Variants in SFT2D2 observed in about 807,000 individuals in gnomAD.
SFT2D2 encodes vesicle transport protein SFT2B.
Under a neutral mutation model 27.4 loss-of-function variants are expected in SFT2D2, and 21 were observed. That is an observed-to-expected ratio of 0.77 (90% CI 0.54 to 1.10). SFT2D2 has a LOEUF of 1.10. SFT2D2 is among the 50% of genes least tolerant of loss of function. SFT2D2 has a pLI of 0.00. For synonymous variants in SFT2D2, 72 were observed against 71.7 expected, an observed-to-expected ratio of 1.00 and a Z score of -0.02; for missense variants, 187 against 194.2, an observed-to-expected ratio of 0.96 and a Z score of 0.22.
Position 168,243,129 on chromosome 1 carries a change from T to C in SFT2D2, c.*589T>C, listed in dbSNP as rs1647695339. The C allele has an allele frequency of 6.5e-6, 1 of 153,542 alleles. No homozygotes were observed. Among genetic ancestry groups the C allele is most frequent in the South Asian group, 2.0e-4 (1 of 4,918 alleles). 9.5% of individuals were successfully genotyped at this position (153,542 alleles called of 1,614,324 possible). ...TTTCTGAATTTGAATCTAAGCATTC[T>C]TGGTGTTCTGATTCTGCGCCTGACT... On this transcript the variant is annotated 3_prime_UTR_variant, in exon 8 of 8. Coordinates refer to ENST00000271375, the MANE Select transcript of SFT2D2 (RefSeq NM_199344.3).
At chr1:168,230,590 C>T (rs751053863) in intron 1 of SFT2D2, among the ~76,000 whole-genome samples, 6 of 152,196 alleles carry the variant, frequency 3.9e-5, no homozygotes, top group Admixed American at 2.0e-4. Context: ...TCTCCTGCCT[C>T]AGCCTTCCAA....
At chr1:168,237,289 T>A (rs1262796877) in intron 6 of SFT2D2, among the ~76,000 whole-genome samples, 4 of 152,226 alleles carry the variant, frequency 2.6e-5, no homozygotes, top group Admixed American at 2.0e-4. Flanking sequence ...GTCTGTGGGC[T>A]GTAGGATCAG....
intron 7 of SFT2D2, among the ~76,000 whole-genome samples, chr1:168,239,457 GTTT>G (rs34187475): frequency 1.7e-4 from 22 of 129,492 alleles, no homozygotes; most frequent in South Asian, 2.4e-4. Flanking sequence ...TTTGAGTAGG[GTTT>G]TTTTTTTTTT....
chr1:168,226,033 C>A lies in SFT2D2; in HGVS notation c.-47C>A. 1 of 1,474,586 alleles carries A rather than the reference C, an allele frequency of 6.8e-7. No homozygotes were observed. The allele number at this position is 1,474,586 out of a possible 1,614,324, so 91.3% of individuals were successfully genotyped here. ...GGAAGAGCCGTCAACTTAGCGAGCGCAACAGGCTGCCGCTGAGGAGCTGGA... is the reference window on the plus strand; with the variant it reads ...GGAAGAGCCGTCAACTTAGCGAGCGAAACAGGCTGCCGCTGAGGAGCTGGA... On this transcript the variant is annotated 5_prime_UTR_variant, in exon 1 of 8. Transcript: ENST00000271375.
At chr1:168,229,002 T>G (rs1700486994) in intron 1 of SFT2D2, among the ~76,000 whole-genome samples, 1 of 152,168 alleles carries the variant, frequency 6.6e-6, no homozygotes, top group Non-Finnish European at 1.5e-5. Context: ...CCTGACCAAG[T>G]GTGAATGTAA....
At position 168,250,538 on chromosome 1, in the gene SFT2D2, A is replaced by C. The variant is rs553396942; in HGVS notation, c.*7998A>C. ...TATGGTGCTCAGCCAGCCATATGGA[A>C]GCACTGTCCTGGCGTGATCTGCCCT... is the stretch of plus-strand genomic sequence containing the variant. On this transcript the variant is annotated 3_prime_UTR_variant, in exon 8 of 8. Transcript: ENST00000271375. 6.6e-6 allele frequency: 1 copy of C among 152,362 alleles called. No individual in the cohort carries two copies. Among genetic ancestry groups the C allele is most frequent in the African/African-American group, 2.4e-5 (1 of 41,554 alleles). The allele number at this position is 152,362 out of a possible 1,614,324, so 9.4% of individuals were successfully genotyped here.
In SFT2D2 at chr1:168,242,973, G is replaced by A. The variant is rs1450340610; in HGVS notation, c.*433G>A. Reference sequence around the variant, plus strand: ...GTCCCTCAGCATGGAAGCCATCACCGTGGTCCTGCATAGAGTGAGTCTGCT... The same window carrying A: ...GTCCCTCAGCATGGAAGCCATCACCATGGTCCTGCATAGAGTGAGTCTGCT... On this transcript the variant is annotated 3_prime_UTR_variant, in exon 8 of 8. Coordinates refer to ENST00000271375, the MANE Select transcript of SFT2D2 (RefSeq NM_199344.3). 6 of 244,116 alleles carry A rather than the reference G, an allele frequency of 2.5e-5. No individual in the cohort carries two copies. Among genetic ancestry groups the A allele is most frequent in the Non-Finnish European group, 4.9e-5 (6 of 122,452 alleles). 15.1% of individuals were successfully genotyped at this position (244,116 alleles called of 1,614,324 possible). A position where few individuals can be genotyped will look rare whatever the true frequency, so the allele number is the denominator to read the frequency against.
chr1:168,239,498 A>T (rs1647590404), intron 7 of SFT2D2, among the ~76,000 whole-genome samples: 2 of 142,032 alleles, frequency 1.4e-5, no homozygotes, highest in African/African-American at 2.7e-5. Flanking sequence ...ATGTCATTTC[A>T]TATCACTGAG....
intron 7 of SFT2D2, among the ~76,000 whole-genome samples, chr1:168,241,205 CTTTTTTTTTTT>C (rs11387591): frequency 1.0e-5 from 1 of 100,156 alleles, no homozygotes; most frequent in Non-Finnish European, 1.9e-5. Context: ...CCCTTCTATT[CTTTTTTTTTTT>C]TTTTTTTTTG....
chr1:168,236,851 G>A, intron 6 of SFT2D2, 81 bp downstream of exon 6: 1 of 1,453,792 alleles, frequency 6.9e-7, no homozygotes, highest in Non-Finnish European at 9.6e-7. Context: ...ACATATTGTG[G>A]GTGGGAGAAT....
chr1:168,242,043 C>T (rs1647656598), intron 7 of SFT2D2, among the ~76,000 whole-genome samples: 1 of 152,156 alleles, frequency 6.6e-6, no homozygotes, highest in Non-Finnish European at 1.5e-5. Context: ...TGTGATAAGG[C>T]CATTATAGCA....
At chr1:168,233,268 T>G (rs1647377539) in intron 3 of SFT2D2, among the ~76,000 whole-genome samples, 1 of 152,242 alleles carries the variant, frequency 6.6e-6, no homozygotes. Flanking sequence ...GCTCATTTGT[T>G]AAGACCTGGC....
intron 1 of SFT2D2, 22 bp from the exon 2 acceptor site, chr1:168,231,492 A>ATTCT (rs1558175287): frequency 7.1e-7 from 1 of 1,409,212 alleles, no homozygotes; most frequent in Non-Finnish European, 9.7e-7. Flanking sequence ...GTGTATATGT[A>ATTCT]TTTTTTTTTT....
At chr1:168,235,532 C>T (rs1647471571) in intron 4 of SFT2D2, among the ~76,000 whole-genome samples, 1 of 152,184 alleles carries the variant, frequency 6.6e-6, no homozygotes, top group Admixed American at 6.5e-5. Flanking sequence ...GGGAATAACT[C>T]AGAAACACAG....
rs1489965086 is a variant in SFT2D2 at position 168,242,837 on chromosome 1, A to G, written c.*297A>G. On this transcript the variant is annotated 3_prime_UTR_variant, in exon 8 of 8. Transcript: ENST00000271375. ...ACTGAATTCCCATGAATACAAACCT[A>G]TTCAGCAACAGCACATAAGCCTTGG... The G allele has an allele frequency of 7.5e-6, 3 of 401,784 alleles. No homozygotes were observed. The highest frequency in any genetic ancestry group is 7.2e-5 in the Admixed American group (2 of 27,682). 24.9% of individuals were successfully genotyped at this position (401,784 alleles called of 1,614,324 possible). A position where few individuals can be genotyped will look rare whatever the true frequency, so the allele number is the denominator to read the frequency against.
Position 168,249,836 on chromosome 1 carries a change from A to C in SFT2D2, c.*7296A>C, listed in dbSNP as rs1647910303. On this transcript the variant is annotated 3_prime_UTR_variant, in exon 8 of 8. Transcript: ENST00000271375. ...TAGGGCTTGGCATAAGTAGAGTCTC[A>C]GTAGGGTAGGTGTTATTTAATCCCA... 6.6e-6 allele frequency: 1 copy of C among 152,238 alleles called. No homozygotes were observed. Among genetic ancestry groups the C allele is most frequent in the African/African-American group, 2.4e-5 (1 of 41,464 alleles). The allele number at this position is 152,238 out of a possible 1,614,324, so 9.4% of individuals were successfully genotyped here.
Position 168,235,290 on chromosome 1 carries a change from T to C in SFT2D2, c.318+108T>C, listed in dbSNP as rs897784397. 7 of 1,068,888 alleles carry C rather than the reference T, an allele frequency of 6.5e-6. No individual in the cohort carries two copies. In the African/African-American group the frequency reaches 9.5e-5, roughly 14 times the overall value. 66.2% of individuals were successfully genotyped at this position (1,068,888 alleles called of 1,614,324 possible). A position where few individuals can be genotyped will look rare whatever the true frequency, so the allele number is the denominator to read the frequency against. Reference sequence around the variant, plus strand: ...GACCTCTTCTCTTTTTCCGTTCAGCTTGACTTATTACCCTATTCCTATAAC... The same window carrying C: ...GACCTCTTCTCTTTTTCCGTTCAGCCTGACTTATTACCCTATTCCTATAAC... On this transcript the variant is annotated intron_variant, in intron 4 of 7. Transcript: ENST00000271375.
rs1647805455 is a variant in SFT2D2, at chr1:168,246,135, C to T, written c.*3595C>T. The T allele has an allele frequency of 4.1e-6, 1 of 244,582 alleles. No homozygotes were observed. The highest frequency in any genetic ancestry group is 8.1e-6 in the Non-Finnish European group (1 of 123,020). 15.2% of individuals were successfully genotyped at this position (244,582 alleles called of 1,614,324 possible). A position where few individuals can be genotyped will look rare whatever the true frequency, so the allele number is the denominator to read the frequency against. On this transcript the variant is annotated 3_prime_UTR_variant, in exon 8 of 8. Transcript: ENST00000271375. ...ACTTCTCTTTCTGCTTTCTCTCTTT[C>T]ATATTGACATTGTTTTTCTTTCAAA...
chr1:168,239,299 T>C, intron 7 of SFT2D2, 139 bp downstream of exon 7: 1 of 637,878 alleles, frequency 1.6e-6, no homozygotes. Context: ...CATTTATAGA[T>C]AAGTAAGTTA....
Sources: gnomAD v4.1 joint callset for allele counts (sites outside exome capture counted in the v4.1 genomes callset) on GRCh38, gnomAD v4.1.1 for gene constraint, MANE v1.5 for transcripts, NCBI Gene and HGNC (gene_info 2026-07-23, HGNC 2026-07-21) for gene names.